CWC27: variants seen among roughly 807,000 people sequenced by gnomAD.
CWC27 encodes the protein spliceosome-associated protein CWC27 homolog.
In CWC27, 47 loss-of-function variants were observed where a neutral mutation model predicts 63.6. The observed-to-expected ratio is 0.74, with a 90% CI of 0.58 to 0.94. The LOEUF (loss-of-function observed/expected upper bound fraction) is 0.94. Among genes scored for constraint, CWC27 ranks in the 40% least tolerant of loss-of-function variants. The probability of loss-of-function intolerance (pLI) is 0.00; values close to 1 mark genes in which losing one functional copy is unlikely to be tolerated. For missense variants in CWC27, 495 were observed against 554.3 expected (o/e 0.89, Z 1.07); for synonymous variants, 175 against 179.8 (o/e 0.97, Z 0.22).
chr5:64,847,070 G>A (rs1746001524), intron 10 of CWC27, among the ~76,000 whole-genome samples: 1 of 151,420 alleles, frequency 6.6e-6, no homozygotes, highest in African/African-American at 2.4e-5. Context: ...CTTATAAATG[G>A]ATTAAATGCT....
chr5:64,862,084 A>G (rs766763338), intron 10 of CWC27, among the ~76,000 whole-genome samples: 1 of 152,200 alleles, frequency 6.6e-6, no homozygotes, highest in Non-Finnish European at 1.5e-5. Context: ...TGTTGGTGCC[A>G]TATAACAGAA....
At chr5:64,875,205 A>G (rs1746768188) in intron 10 of CWC27, among the ~76,000 whole-genome samples, 1 of 152,186 alleles carries the variant, frequency 6.6e-6, no homozygotes, top group Admixed American at 6.5e-5. Context: ...GGGGTCATCT[A>G]CATTAGACTT....
At chr5:64,789,863 A>G (rs1247154752) in intron 7 of CWC27, among the ~76,000 whole-genome samples, 1 of 152,168 alleles carries the variant, frequency 6.6e-6, no homozygotes, top group Non-Finnish European at 1.5e-5. Context: ...TTAAAACTTT[A>G]TAACCTATAA....
At chr5:64,936,378 T>C (rs147787481) in intron 11 of CWC27, among the ~76,000 whole-genome samples, 4,950 of 152,274 alleles carry the variant, frequency 0.033, 129 homozygotes, top group African/African-American at 0.034. Flanking sequence ...TTGTCATTGG[T>C]TCTGTTTATG....
intron 11 of CWC27, among the ~76,000 whole-genome samples, chr5:64,933,545 T>G (rs1748282700): frequency 6.7e-6 from 1 of 148,994 alleles, no homozygotes. Context: ...CAGGCTGGAG[T>G]ACAGTGGCGC....
At chr5:64,856,722 A>T (rs1746267976) in intron 10 of CWC27, among the ~76,000 whole-genome samples, 1 of 152,126 alleles carries the variant, frequency 6.6e-6, no homozygotes, top group South Asian at 2.1e-4. Context: ...GTTGAAATTA[A>T]GTTAAAGGTA....
intron 11 of CWC27, 46 bp from the exon 12 acceptor site, chr5:64,971,657 A>T: frequency 7.1e-7 from 1 of 1,399,522 alleles, no homozygotes; most frequent in Non-Finnish European, 9.7e-7. Flanking sequence ...ATGAATCCAC[A>T]GAGCTATTTT....
chr5:64,785,600 A>G (rs1220174295), intron 5 of CWC27, 21 bp downstream of exon 5: 1 of 1,423,098 alleles, frequency 7.0e-7, no homozygotes, highest in Non-Finnish European at 9.9e-7. Flanking sequence ...GATTATTACG[A>G]GATACAGCAC....
At chr5:64,878,769 T>G (rs1305025784) in intron 10 of CWC27, among the ~76,000 whole-genome samples, 6 of 152,018 alleles carry the variant, frequency 3.9e-5, no homozygotes, top group African/African-American at 1.4e-4. Context: ...TCTCAAAGTT[T>G]GCCATGGTAA....
chr5:64,919,325 T>C (rs1747952264), intron 11 of CWC27, among the ~76,000 whole-genome samples: 1 of 152,212 alleles, frequency 6.6e-6, no homozygotes, highest in Non-Finnish European at 1.5e-5. Flanking sequence ...ACTTCTTAAC[T>C]TTGTACTTGT....
chr5:64,889,827 C>T (rs1747180952), intron 11 of CWC27, among the ~76,000 whole-genome samples: 1 of 152,046 alleles, frequency 6.6e-6, no homozygotes, highest in African/African-American at 2.4e-5. Flanking sequence ...TGTCTTTAGT[C>T]CCATTGTAAA....
chr5:64,800,214 C>A (rs375685353), intron 7 of CWC27, 34 bp from the exon 8 acceptor site: 6 of 1,362,428 alleles, frequency 4.4e-6, no homozygotes, highest in South Asian at 1.2e-5. Flanking sequence ...CTGTTTATTT[C>A]CCCCCTCATG....
chr5:64,810,012 A>G (rs879087380), intron 10 of CWC27, among the ~76,000 whole-genome samples: 1 of 150,998 alleles, frequency 6.6e-6, no homozygotes, highest in Non-Finnish European at 1.5e-5. Context: ...TTTTTTTTCT[A>G]GTAGCTTTAC....
intron 10 of CWC27, among the ~76,000 whole-genome samples, chr5:64,810,897 T>A (rs1009570647): frequency 1.3e-5 from 2 of 152,142 alleles, no homozygotes; most frequent in African/African-American, 4.8e-5. Context: ...CACTTGATTT[T>A]AATCTTAAGA....
intron 11 of CWC27, among the ~76,000 whole-genome samples, chr5:64,888,790 G>C (rs1747149470): frequency 6.6e-6 from 1 of 151,934 alleles, no homozygotes; most frequent in Non-Finnish European, 1.5e-5. Context: ...AAAGTTAGTA[G>C]AGAGAAACTT....
At chr5:64,903,353 AT>A (rs1433377150) in intron 11 of CWC27, among the ~76,000 whole-genome samples, 1 of 152,236 alleles carries the variant, frequency 6.6e-6, no homozygotes, top group Non-Finnish European at 1.5e-5. Flanking sequence ...CCATAAAAAA[AT>A]AATCAGTTCA....
chr5:64,778,150 A>G (rs774140485), intron 2 of CWC27, among the ~76,000 whole-genome samples: 24 of 152,320 alleles, frequency 1.6e-4, no homozygotes, highest in Middle Eastern at 3.4e-3. Flanking sequence ...CACAGGTAAC[A>G]TATATCTGGG....
chr5:64,795,997 T>TTGTGCGTGTGTGTGTG (rs1169564050), intron 7 of CWC27, among the ~76,000 whole-genome samples: 5 of 133,660 alleles, frequency 3.7e-5, no homozygotes, highest in African/African-American at 1.5e-4. Flanking sequence ...TAAAAAGAAA[T>TTGTGCGTGTGTGTGTG]TGTGCGTGTG....
intron 13 of CWC27, among the ~76,000 whole-genome samples, chr5:64,978,717 T>G (rs1308709032): frequency 2.0e-5 from 3 of 152,056 alleles, no homozygotes; most frequent in Non-Finnish European, 4.4e-5. Flanking sequence ...TCCTCTTCCC[T>G]TTATTTTTGA....
Sources: allele counts gnomAD v4.1 joint callset (sites outside exome capture counted in the v4.1 genomes callset), GRCh38; gene constraint gnomAD v4.1.1; transcripts MANE v1.5; gene names NCBI Gene and HGNC (gene_info 2026-07-23, HGNC 2026-07-21).